POFUT3: variants seen among roughly 807,000 people sequenced by gnomAD.
POFUT3 encodes protein O-fucosyltransferase 3.
chr8:33,320,888 G>T, the POFUT3 span, among the ~76,000 whole-genome samples: 1 of 152,046 alleles, frequency 6.6e-6, no homozygotes, highest in Non-Finnish European at 1.5e-5. Flanking sequence ...CATTTCATTG[G>T]TTAACAGTAA....
the POFUT3 span, among the ~76,000 whole-genome samples, chr8:33,467,247 T>TGGGCGAC: frequency 9.8e-5 from 11 of 112,734 alleles, no homozygotes; most frequent in East Asian, 3.2e-3. Flanking sequence ...CACTCCAGCC[T>TGGGCGAC]GGGCGACGGA....
the POFUT3 span, among the ~76,000 whole-genome samples, chr8:33,373,498 G>A: frequency 1.3e-5 from 2 of 151,990 alleles, no homozygotes; most frequent in Non-Finnish European, 1.5e-5. Flanking sequence ...CTTGGTCCAC[G>A]CTCAGTCTTG....
At chr8:33,310,189 C>T in the POFUT3 span, among the ~76,000 whole-genome samples, 1 of 152,000 alleles carries the variant, frequency 6.6e-6, no homozygotes, top group Admixed American at 6.6e-5. Context: ...CTTTTACTCC[C>T]CAGAATTTTG....
At chr8:33,367,318 G>C in the POFUT3 span, among the ~76,000 whole-genome samples, 1 of 152,182 alleles carries the variant, frequency 6.6e-6, no homozygotes, top group African/African-American at 2.4e-5. Flanking sequence ...TAGCATGAGC[G>C]ATCTGTGCCT....
chr8:33,360,052 A>C, the POFUT3 span, among the ~76,000 whole-genome samples: 2 of 151,690 alleles, frequency 1.3e-5, no homozygotes, highest in Non-Finnish European at 2.9e-5. Flanking sequence ...ACAAAAAACA[A>C]AACAAACTAT....
At chr8:33,410,114 C>G in the POFUT3 span, among the ~76,000 whole-genome samples, 971 of 152,232 alleles carry the variant, frequency 6.4e-3, 7 homozygotes, top group African/African-American at 0.022. Context: ...GGACTCCATT[C>G]TGATCTGGAG....
At chr8:33,398,014 G>GA in the POFUT3 span, among the ~76,000 whole-genome samples, 1 of 152,094 alleles carries the variant, frequency 6.6e-6, no homozygotes, top group East Asian at 1.9e-4. Flanking sequence ...AGCCCCAAGG[G>GA]ATATTATGAT....
At chr8:33,309,351 TTGTG>T in the POFUT3 span, among the ~76,000 whole-genome samples, 1 of 142,500 alleles carries the variant, frequency 7.0e-6, no homozygotes, top group Non-Finnish European at 1.5e-5. Context: ...CTTAAAGGTA[TTGTG>T]TGTGTGTGTG....
At chr8:33,451,387 T>C in the POFUT3 span, among the ~76,000 whole-genome samples, 23 of 152,202 alleles carry the variant, frequency 1.5e-4, no homozygotes, top group East Asian at 3.9e-3. Flanking sequence ...TATGTAAGTG[T>C]ATGTATGTAT....
the POFUT3 span, among the ~76,000 whole-genome samples, chr8:33,445,496 G>A: frequency 6.6e-6 from 1 of 152,120 alleles, no homozygotes; most frequent in Non-Finnish European, 1.5e-5. Context: ...AGCCTTAGGA[G>A]ACACCCAGTA....
the POFUT3 span, among the ~76,000 whole-genome samples, chr8:33,386,303 C>T: frequency 1.3e-5 from 2 of 151,284 alleles, no homozygotes; most frequent in South Asian, 4.2e-4. Context: ...ATTGGAACTA[C>T]TTCATTAAAA....
the POFUT3 span, among the ~76,000 whole-genome samples, chr8:33,317,659 T>G: frequency 7.4e-4 from 112 of 152,262 alleles, no homozygotes; most frequent in Middle Eastern, 3.4e-3. Flanking sequence ...AAGTGTGAGC[T>G]GCCCAATTCT....
chr8:33,319,908 A>C, the POFUT3 span, among the ~76,000 whole-genome samples: 4 of 148,578 alleles, frequency 2.7e-5, 1 homozygote, highest in Admixed American at 2.1e-4. Flanking sequence ...TGAGTTACTG[A>C]TCAGCTCTTG....
At chr8:33,466,832 T>C in the POFUT3 span, among the ~76,000 whole-genome samples, 1 of 152,050 alleles carries the variant, frequency 6.6e-6, no homozygotes, top group East Asian at 1.9e-4. Flanking sequence ...AGGCCGGGCA[T>C]AGTGGCTCAC....
the POFUT3 span, chr8:33,389,248 G>A: frequency 3.7e-6 from 6 of 1,614,050 alleles, no homozygotes; most frequent in Non-Finnish European, 4.2e-6. Context: ...CTGTGATGCT[G>A]GGGGATCCGT....
At chr8:33,427,813 G>C in the POFUT3 span, among the ~76,000 whole-genome samples, 1 of 151,986 alleles carries the variant, frequency 6.6e-6, no homozygotes, top group Non-Finnish European at 1.5e-5. Flanking sequence ...CAAGCTTTGG[G>C]GTTGGCAAGA....
At chr8:33,372,309 C>A in the POFUT3 span, 6 of 1,174,978 alleles carry the variant, frequency 5.1e-6, no homozygotes, top group Non-Finnish European at 6.3e-6. Context: ...CCACAAAAGG[C>A]AGTAAGTATG....
At chr8:33,323,423 A>G in the POFUT3 span, among the ~76,000 whole-genome samples, 2 of 152,188 alleles carry the variant, frequency 1.3e-5, no homozygotes, top group African/African-American at 4.8e-5. Context: ...AATATCAGGT[A>G]GCACTCACAA....
chr8:33,331,309 G>A, the POFUT3 span, among the ~76,000 whole-genome samples: 2 of 151,646 alleles, frequency 1.3e-5, no homozygotes, highest in Non-Finnish European at 2.9e-5. Context: ...ACTCCAGCTT[G>A]GGCAACAAGT....
Sources: gnomAD v4.1 joint callset for allele counts (sites outside exome capture counted in the v4.1 genomes callset) on GRCh38, gnomAD v4.1.1 for gene constraint, MANE v1.5 for transcripts, NCBI Gene and HGNC (gene_info 2026-07-23, HGNC 2026-07-21) for gene names.